The following SPATS2L variants were observed in gnomAD, a reference collection of about 807,000 sequenced individuals.
The protein encoded by SPATS2L is spermatogenesis associated serine rich 2 like.
SPATS2L carries 30 observed loss-of-function variants against 59.6 expected under a neutral mutation model. The observed-to-expected ratio is 0.50, with a 90% CI of 0.38 to 0.68. The LOEUF is 0.68. Ranked by LOEUF, SPATS2L falls within the 30% of genes least tolerant of loss-of-function variation. The pLI is 0.00. For missense variants in SPATS2L, 615 were observed against 700.0 expected, an observed-to-expected ratio of 0.88 and a Z score of 1.37; for synonymous variants, 252 against 263.5, an observed-to-expected ratio of 0.96 and a Z score of 0.42.
chr2:200,439,354 G>C (rs2084528528), intron 7 of SPATS2L, 26 bp downstream of exon 7: 1 of 1,580,634 alleles, frequency 6.3e-7, no homozygotes. Flanking sequence ...TTGCACAAAT[G>C]ATTCAACATA....
intron 2 of SPATS2L, chr2:200,378,181 G>A (rs986936486): frequency 1.7e-5 from 17 of 996,702 alleles, no homozygotes; most frequent in African/African-American, 1.4e-4. Flanking sequence ...ACTCAGCCAC[G>A]CCCAAGATCC....
chr2:200,402,687 G>A (rs1006263013), intron 3 of SPATS2L, among the ~76,000 whole-genome samples: 1 of 152,192 alleles, frequency 6.6e-6, no homozygotes, highest in Non-Finnish European at 1.5e-5. Context: ...ATCTGTCACT[G>A]CTGCAGTCCA....
chr2:200,400,869 A>C (rs906220383), intron 3 of SPATS2L, among the ~76,000 whole-genome samples: 2 of 152,238 alleles, frequency 1.3e-5, no homozygotes, highest in African/African-American at 4.8e-5. Flanking sequence ...AAGAATTGGT[A>C]AAAAGAAATC....
At chr2:200,428,730 C>T (rs1250158840) in intron 6 of SPATS2L, among the ~76,000 whole-genome samples, 4 of 152,146 alleles carry the variant, frequency 2.6e-5, no homozygotes, top group East Asian at 1.9e-4. Context: ...TTAGTGTTCC[C>T]GATCCTAGTG....
chr2:200,439,434 C>G, intron 7 of SPATS2L, 106 bp downstream of exon 7: 1 of 926,940 alleles, frequency 1.1e-6, no homozygotes, highest in South Asian at 1.6e-5. Context: ...AAGAGAGATG[C>G]ACATGAAATT....
intron 8 of SPATS2L, among the ~76,000 whole-genome samples, chr2:200,448,817 G>A (rs2085241813): frequency 6.6e-6 from 1 of 152,090 alleles, no homozygotes; most frequent in African/African-American, 2.4e-5. Context: ...ACATTTACTT[G>A]CAAGGGACAC....
intron 10 of SPATS2L, 145 bp downstream of exon 10, chr2:200,467,544 A>G (rs772962639): frequency 1.1e-5 from 7 of 623,344 alleles, no homozygotes; most frequent in Non-Finnish European, 2.0e-5. Flanking sequence ...GAGAACACAG[A>G]AGGGGGAAGA....
In SPATS2L at chr2:200,472,979, CA is replaced by C; in HGVS notation, c.1211del (p.Asn404ThrfsTer5). On this transcript the variant is annotated frameshift_variant, in exon 12 of 13. Transcript: ENST00000409140. LOFTEE classifies it high-confidence loss of function. The stretch of plus-strand genomic sequence containing the variant: ...AATAAGCCCTCTGAAGGCAAAGCGG[CA>C]AACCCCAAAATGGTGAGCAGTCTCC... ...THNKPSEGKAANPKMVSSLPS... is the reference protein window; with the variant it reads ...THNKPSEGKAXNPKMVSSLPS... The C allele has an allele frequency of 6.2e-7, 1 of 1,613,738 alleles. No homozygotes were observed. Among genetic ancestry groups the C allele is most frequent in the Non-Finnish European group, 8.5e-7 (1 of 1,179,856 alleles).
chr2:200,452,050 G>A (rs963354187), intron 8 of SPATS2L, among the ~76,000 whole-genome samples: 5 of 151,998 alleles, frequency 3.3e-5, no homozygotes, highest in Admixed American at 1.3e-4. Flanking sequence ...TGCCTGCCTC[G>A]CCCTCCCAAA....
chr2:200,344,384 C>T lies in SPATS2L; in HGVS notation c.-23+14904C>T, dbSNP rs530409983. 1.6e-4 allele frequency among the ~76,000 whole-genome samples: 24 copies of T among 152,266 alleles called. No individual in the cohort carries two copies. The South Asian group carries it at 3.7e-3, about 24-fold the overall frequency. On this transcript the variant is annotated intron_variant, in intron 2 of 12. Transcript: ENST00000409140. ...TGGCCTCCAGCTCCATCCACATTTA[C>T]ACAAAAGACATGATTTTGTTCTTTT...
intron 9 of SPATS2L, among the ~76,000 whole-genome samples, chr2:200,460,662 A>G (rs2086170675): frequency 6.6e-6 from 1 of 150,866 alleles, no homozygotes; most frequent in African/African-American, 2.4e-5. Context: ...GAGGCAGGAG[A>G]ATGGTGTGAA....
At chr2:200,342,446 G>T (rs2080363560) in intron 2 of SPATS2L, among the ~76,000 whole-genome samples, 1 of 152,232 alleles carries the variant, frequency 6.6e-6, no homozygotes, top group Non-Finnish European at 1.5e-5. Context: ...TGCTTTACAG[G>T]GGAGTGAAGC....
chr2:200,383,809 G>T (rs994623034), intron 2 of SPATS2L: 2 of 885,136 alleles, frequency 2.3e-6, no homozygotes, highest in Non-Finnish European at 2.8e-6. Flanking sequence ...TGAAAATTTT[G>T]TTAAAATCAT....
chr2:200,439,203 G>T lies in SPATS2L; in HGVS notation c.527G>T (p.Gly176Val), dbSNP rs1412378546. Reference sequence around the variant, plus strand: ...CATGGAACAACAGAGAGGTCAGATGGCCTACAGTGGTCAGCTGAGCAGCCT... The same window carrying T: ...CATGGAACAACAGAGAGGTCAGATGTCCTACAGTGGTCAGCTGAGCAGCCT... ...PIHGTTERSD[G>V]LQWSAEQPCN... The change falls in exon 7 of 13, where the codon GGC (glycine) becomes GTC (valine). Residue 176 changes from glycine to valine, a missense_variant. Gly to Val is a moderately radical substitution (Grantham distance 109). Transcript: ENST00000409140. 6.2e-7 allele frequency: 1 copy of T among 1,613,630 alleles called. No homozygotes were observed. The highest frequency in any genetic ancestry group is 8.5e-7 in the Non-Finnish European group (1 of 1,179,668).
rs1305721900 is a variant in SPATS2L at position 200,416,831 on chromosome 2, G to A, written c.198+403G>A. ...TATATTTTCACATGTTTTTCCACCT[G>A]AAAGAATCTGTCCAAGGCTGCCCTG... On this transcript the variant is annotated intron_variant, in intron 5 of 12. Coordinates refer to ENST00000409140, the MANE Select transcript of SPATS2L (RefSeq NM_001100423.2). 3.3e-5 allele frequency among the ~76,000 whole-genome samples: 5 copies of A among 152,148 alleles called. No homozygotes were observed. The East Asian group carries it at 7.7e-4, about 23-fold the overall frequency.
intron 8 of SPATS2L, among the ~76,000 whole-genome samples, chr2:200,445,984 G>C (rs1230779807): frequency 6.6e-6 from 1 of 152,044 alleles, no homozygotes; most frequent in Non-Finnish European, 1.5e-5. Flanking sequence ...AAAACTCTTA[G>C]AGCTTTATAG....
At chr2:200,400,041 A>G (rs1247118236) in intron 3 of SPATS2L, among the ~76,000 whole-genome samples, 1 of 152,238 alleles carries the variant, frequency 6.6e-6, no homozygotes, top group Non-Finnish European at 1.5e-5. Context: ...TTGCAAAGAA[A>G]ATGAGAAGAA....
intron 2 of SPATS2L, among the ~76,000 whole-genome samples, chr2:200,349,478 G>T (rs2080642237): frequency 6.6e-6 from 1 of 152,054 alleles, no homozygotes; most frequent in Non-Finnish European, 1.5e-5. Context: ...TCTACTAAAA[G>T]TACAAAAAAA....
At chr2:200,418,715 G>T (rs1004997840) in intron 5 of SPATS2L, among the ~76,000 whole-genome samples, 7 of 152,076 alleles carry the variant, frequency 4.6e-5, no homozygotes, top group Non-Finnish European at 1.0e-4. Context: ...CTATTTCAGA[G>T]ACCCAACCTG....
Sources: allele counts gnomAD v4.1 joint callset (sites outside exome capture counted in the v4.1 genomes callset), GRCh38; gene constraint gnomAD v4.1.1; transcripts MANE v1.5; gene names NCBI Gene and HGNC (gene_info 2026-07-23, HGNC 2026-07-21).